KCNH7: variants seen among roughly 807,000 people sequenced by gnomAD.
The protein encoded by KCNH7 is voltage-gated inwardly rectifying potassium channel KCNH7.
Under a neutral mutation model 120.8 loss-of-function variants are expected in KCNH7, and 49 were observed. That is an observed-to-expected ratio of 0.41 (90% CI 0.32 to 0.51). The LOEUF (loss-of-function observed/expected upper bound fraction) is 0.51, where lower values mean the gene tolerates loss of function less well. Among genes scored for constraint, KCNH7 ranks in the 20% least tolerant of loss-of-function variants. The pLI is 0.38. For synonymous variants in KCNH7, 547 were observed against 516.1 expected, an observed-to-expected ratio of 1.06 and a Z score of -0.81; for missense variants, 1,097 against 1,446.6, an observed-to-expected ratio of 0.76 and a Z score of 3.92.
chr2:162,531,204 T>C (rs529010897), intron 3 of KCNH7, among the ~76,000 whole-genome samples: 1 of 152,132 alleles, frequency 6.6e-6, no homozygotes, highest in East Asian at 2.0e-4. Context: ...AATCACAATA[T>C]AAAGTTGCAT....
intron 6 of KCNH7, among the ~76,000 whole-genome samples, chr2:162,500,858 T>C (rs1558980205): frequency 6.6e-6 from 1 of 152,070 alleles, no homozygotes; most frequent in Non-Finnish European, 1.5e-5. Flanking sequence ...TAAAGTCTTT[T>C]GGTTATTACT....
intron 3 of KCNH7, among the ~76,000 whole-genome samples, chr2:162,534,499 A>G (rs185521541): frequency 6.6e-6 from 1 of 151,734 alleles, no homozygotes; most frequent in Admixed American, 6.6e-5. Flanking sequence ...AAATTTAAAT[A>G]TTTACATGAA....
chr2:162,739,850 G>A (rs990443940), intron 2 of KCNH7, among the ~76,000 whole-genome samples: 7 of 152,158 alleles, frequency 4.6e-5, no homozygotes, highest in African/African-American at 1.7e-4. Context: ...ACACATCAAT[G>A]AGATATGGAT....
chr2:162,681,806 T>G (rs1410379333), intron 2 of KCNH7, among the ~76,000 whole-genome samples: 1 of 146,000 alleles, frequency 6.8e-6, no homozygotes, highest in Non-Finnish European at 1.5e-5. Flanking sequence ...ACTTGGGGTC[T>G]GTGATTTTTT....
intron 2 of KCNH7, among the ~76,000 whole-genome samples, chr2:162,669,681 T>C (rs1215037224): frequency 2.6e-5 from 4 of 152,220 alleles, no homozygotes; most frequent in Non-Finnish European, 4.4e-5. Context: ...CTGGAGTTAC[T>C]AGCATCTAGT....
chr2:162,718,729 T>G (rs898953803), intron 2 of KCNH7, among the ~76,000 whole-genome samples: 1 of 152,038 alleles, frequency 6.6e-6, no homozygotes, highest in Non-Finnish European at 1.5e-5. Context: ...TATCAATCCA[T>G]GTTTATAGTT....
At chr2:162,828,390 C>T (rs1022755065) in intron 2 of KCNH7, among the ~76,000 whole-genome samples, 1 of 151,992 alleles carries the variant, frequency 6.6e-6, no homozygotes, top group East Asian at 1.9e-4. Context: ...ACAGACTTCA[C>T]TAAATATAAG....
chr2:162,749,619 T>C (rs984047853), intron 2 of KCNH7, among the ~76,000 whole-genome samples: 2 of 152,108 alleles, frequency 1.3e-5, no homozygotes, highest in African/African-American at 4.8e-5. Context: ...AATTGTAAAT[T>C]ATGTTAAGTA....
At chr2:162,796,264 T>G (rs927472260) in intron 2 of KCNH7, 1 of 151,890 alleles carries the variant, frequency 6.6e-6, no homozygotes, top group African/African-American at 2.4e-5. Context: ...TTCCACAATC[T>G]GAAACTCAAA....
At chr2:162,664,606 G>A (rs1053584325) in intron 2 of KCNH7, among the ~76,000 whole-genome samples, 8 of 152,096 alleles carry the variant, frequency 5.3e-5, no homozygotes, top group Admixed American at 2.0e-4. Flanking sequence ...GGTGAGAAGA[G>A]GAAGGAGAGA....
intron 2 of KCNH7, among the ~76,000 whole-genome samples, chr2:162,543,895 G>A (rs1228626001): frequency 6.6e-6 from 1 of 152,156 alleles, no homozygotes. Flanking sequence ...CAACTTGAAT[G>A]ATAAAAATCA....
chr2:162,518,983 G>A (rs1261008186), intron 3 of KCNH7, among the ~76,000 whole-genome samples: 2 of 151,406 alleles, frequency 1.3e-5, no homozygotes, highest in African/African-American at 4.8e-5. Flanking sequence ...TAATTGTTAG[G>A]TATATAAACT....
At chr2:162,509,899 C>T (rs1691010138) in intron 5 of KCNH7, among the ~76,000 whole-genome samples, 1 of 151,476 alleles carries the variant, frequency 6.6e-6, no homozygotes, top group South Asian at 2.1e-4. Flanking sequence ...AGCAGGGTTA[C>T]TTGAGATAGC....
At chr2:162,536,548 C>A (rs1692113435) in intron 3 of KCNH7, among the ~76,000 whole-genome samples, 1 of 151,918 alleles carries the variant, frequency 6.6e-6, no homozygotes, top group Non-Finnish European at 1.5e-5. Context: ...ATATATGCAT[C>A]ACCCTTGACC....
chr2:162,780,004 C>A (rs2105491576), intron 2 of KCNH7, among the ~76,000 whole-genome samples: 1 of 152,228 alleles, frequency 6.6e-6, no homozygotes, highest in Non-Finnish European at 1.5e-5. Flanking sequence ...ATTGGTATAG[C>A]AAGAATGTTA....
chr2:162,757,374 C>T (rs1327482020), intron 2 of KCNH7, among the ~76,000 whole-genome samples: 1 of 152,086 alleles, frequency 6.6e-6, no homozygotes, highest in Non-Finnish European at 1.5e-5. Context: ...CTTCAGATTC[C>T]TCCATTAGTC....
Position 162,423,377 on chromosome 2 carries a change from G to C in KCNH7, c.2113C>G (p.Gln705Glu). Reference sequence around the variant, plus strand: ...CCATTGGTGTAAGTCCATGCGTGCTGGAAATATTCTTCAAGACGTTGCCTC... The same window carrying C: ...CCATTGGTGTAAGTCCATGCGTGCTCGAAATATTCTTCAAGACGTTGCCTC... ...PLRQRLEEYF[Q>E]HAWTYTNGID... is the part of the protein sequence containing the mutation. The change falls in exon 9 of 16, where the codon CAG becomes GAG. Residue 705 changes from glutamine to glutamate, a missense_variant. Coordinates refer to ENST00000332142, the MANE Select transcript of KCNH7 (RefSeq NM_033272.4). The C allele has an allele frequency of 2.5e-6, 4 of 1,614,112 alleles. No homozygotes were observed. The highest frequency in any genetic ancestry group is 3.4e-6 in the Non-Finnish European group (4 of 1,179,960).
chr2:162,811,581 C>G (rs1227369386), intron 2 of KCNH7, among the ~76,000 whole-genome samples: 1 of 151,962 alleles, frequency 6.6e-6, no homozygotes, highest in African/African-American at 2.4e-5. Flanking sequence ...TTTGTTTCGT[C>G]ACATAAATCT....
At chr2:162,569,820 G>T (rs553320082) in intron 2 of KCNH7, among the ~76,000 whole-genome samples, 39 of 137,786 alleles carry the variant, frequency 2.8e-4, no homozygotes, top group South Asian at 2.4e-3. Context: ...GTTGTTCAGT[G>T]TCCATGTAGT....
Sources: gnomAD v4.1 joint callset for allele counts (sites outside exome capture counted in the v4.1 genomes callset) on GRCh38, gnomAD v4.1.1 for gene constraint, MANE v1.5 for transcripts, NCBI Gene and HGNC (gene_info 2026-07-23, HGNC 2026-07-21) for gene names.